MGAM2: variants seen among roughly 807,000 people sequenced by gnomAD.
MGAM2 encodes the protein maltase-glucoamylase 2 (putative), also known as probable maltase-glucoamylase 2.
A neutral mutation model predicts 96.1 loss-of-function variants in MGAM2; 98 were observed. The ratio of observed to expected loss-of-function variants is 1.02; its 90% CI spans 0.87 to 1.21. MGAM2 has a LOEUF of 1.21. Among genes scored for constraint, MGAM2 ranks in the 50% most tolerant of loss-of-function variants. MGAM2 has a pLI of 0.00. For missense variants in MGAM2, 2,055 were observed against 1,182.4 expected (o/e 1.74, Z -10.82); for synonymous variants, 749 against 414.8 (o/e 1.81, Z -9.79).
At position 142,140,870 on chromosome 7, in the gene MGAM2, C is replaced by G; in HGVS notation, c.1155C>G (p.Tyr385Ter). ...ATTTCACTGTTGATGAAGTCGCTTA[C>G]TCTGGTCTCCCAGATTTTGTCAAGG... The part of the protein sequence containing the change: ...KKDFTVDEVA[Y>*]SGLPDFVKEL... The change falls in exon 11 of 48, where the codon TAC (tyrosine) becomes TAG (stop). Residue 385 changes from tyrosine (Y) to a stop codon, truncating the protein, a stop_gained. Coordinates refer to ENST00000477922, the MANE Select transcript of MGAM2 (RefSeq NM_001293626.2). LOFTEE classifies it high-confidence loss of function. 1.4e-6 allele frequency: 1 copy of G among 703,006 alleles called. No homozygotes were observed. Among genetic ancestry groups the G allele is most frequent in the Non-Finnish European group, 2.6e-6 (1 of 384,960 alleles). The allele number at this position is 703,006 out of a possible 1,614,324, so 43.5% of individuals were successfully genotyped here.
intron 15 of MGAM2, among the ~76,000 whole-genome samples, chr7:142,152,134 A>G (rs1380012892): frequency 6.6e-6 from 1 of 151,664 alleles, no homozygotes; most frequent in Non-Finnish European, 1.5e-5. Flanking sequence ...GACAGAAAAT[A>G]CAAAGCCTCT....
chr7:142,192,501 C>A (rs897047225), intron 37 of MGAM2, among the ~76,000 whole-genome samples: 3 of 152,124 alleles, frequency 2.0e-5, no homozygotes, highest in African/African-American at 7.2e-5. Flanking sequence ...GAGGGAAAAT[C>A]AATTAACTCT....
chr7:142,134,766 A>G (rs929141409), intron 7 of MGAM2, among the ~76,000 whole-genome samples: 3 of 148,064 alleles, frequency 2.0e-5, no homozygotes, highest in African/African-American at 2.5e-5. Context: ...GGAGTGAAGG[A>G]CTAGTTTCTT....
At chr7:142,155,601 AG>A (rs1454930825) in intron 17 of MGAM2, among the ~76,000 whole-genome samples, 1 of 152,238 alleles carries the variant, frequency 6.6e-6, no homozygotes, top group African/African-American at 2.4e-5. Context: ...AAACCTTCAA[AG>A]TATTTTATCC....
At chr7:142,199,218 A>T (rs1797143909) in intron 44 of MGAM2, among the ~76,000 whole-genome samples, 1 of 152,206 alleles carries the variant, frequency 6.6e-6, no homozygotes, top group Non-Finnish European at 1.5e-5. Flanking sequence ...ATATGTAAAA[A>T]TTTATAAAAT....
intron 40 of MGAM2, 100 bp from the exon 41 acceptor site, chr7:142,197,300 G>A (rs1358663312): frequency 7.8e-6 from 5 of 642,126 alleles, no homozygotes; most frequent in Non-Finnish European, 1.4e-5. Context: ...TAAGTGGCTT[G>A]TAACCTACAT....
At chr7:142,218,971 G>T (rs1468902361) in intron 47 of MGAM2, among the ~76,000 whole-genome samples, 2 of 152,144 alleles carry the variant, frequency 1.3e-5, no homozygotes, top group East Asian at 3.9e-4. Context: ...ATAGGTAGAC[G>T]AAAATTGGCA....
At chr7:142,135,996 T>A (rs1795049431) in intron 7 of MGAM2, among the ~76,000 whole-genome samples, 1 of 152,206 alleles carries the variant, frequency 6.6e-6, no homozygotes, top group Non-Finnish European at 1.5e-5. Context: ...GATTGAGTTA[T>A]AATTCATAGG....
intron 34 of MGAM2, 117 bp downstream of exon 34, chr7:142,185,256 T>C (rs1796659631): frequency 1.8e-6 from 1 of 567,124 alleles, no homozygotes; most frequent in Non-Finnish European, 3.2e-6. Context: ...TTGAGGGTGC[T>C]TATCCACTGT....
At chr7:142,170,275 AT>A in intron 27 of MGAM2, 46 bp downstream of exon 27, 1 of 651,064 alleles carries the variant, frequency 1.5e-6, no homozygotes, top group Non-Finnish European at 2.8e-6. Context: ...TCTAGATTTA[AT>A]TACAGCAGTT....
intron 2 of MGAM2, among the ~76,000 whole-genome samples, chr7:142,119,836 A>C (rs1258955187): frequency 1.3e-5 from 2 of 152,246 alleles, no homozygotes; most frequent in African/African-American, 4.8e-5. Flanking sequence ...TTTTATAGGA[A>C]ATGTTCAGAA....
intron 23 of MGAM2, among the ~76,000 whole-genome samples, chr7:142,163,821 T>C (rs572068835): frequency 1.1e-4 from 16 of 152,316 alleles, no homozygotes; most frequent in African/African-American, 3.4e-4. Context: ...TGTTTTTAAT[T>C]TGTATTTCTC....
At chr7:142,122,459 C>T (rs982069585) in intron 3 of MGAM2, among the ~76,000 whole-genome samples, 1 of 152,194 alleles carries the variant, frequency 6.6e-6, no homozygotes. Flanking sequence ...CCATTCTATA[C>T]CCAAAGATAC....
At chr7:142,192,078 C>G (rs184736422) in intron 37 of MGAM2, among the ~76,000 whole-genome samples, 11 of 152,250 alleles carry the variant, frequency 7.2e-5, no homozygotes, top group Non-Finnish European at 7.3e-5. Flanking sequence ...CTGCCCCTTT[C>G]TGCTCAAGTA....
chr7:142,185,675 A>G (rs1048007674), intron 34 of MGAM2, among the ~76,000 whole-genome samples: 11 of 152,258 alleles, frequency 7.2e-5, no homozygotes, highest in Middle Eastern at 3.4e-3. Flanking sequence ...AAAAAAAAAG[A>G]AAAAGTATTT....
At chr7:142,151,251 C>G (rs1357731751) in intron 15 of MGAM2, among the ~76,000 whole-genome samples, 1 of 152,118 alleles carries the variant, frequency 6.6e-6, no homozygotes, top group Non-Finnish European at 1.5e-5. Flanking sequence ...ACCTAGGGGA[C>G]CTGATGACTT....
intron 46 of MGAM2, among the ~76,000 whole-genome samples, 151 bp downstream of exon 46, chr7:142,208,773 A>T (rs1384053208): frequency 1.3e-5 from 2 of 152,198 alleles, no homozygotes; most frequent in Admixed American, 6.5e-5. Flanking sequence ...TCATTAAAGT[A>T]AGGAAGAAAC....
intron 25 of MGAM2, among the ~76,000 whole-genome samples, chr7:142,166,925 TTGCTTGTAGA>T (rs1796044415): frequency 6.6e-6 from 1 of 152,158 alleles, no homozygotes; most frequent in Admixed American, 6.5e-5. Context: ...GGGTATTTCT[TTGCTTGTAGA>T]TGCATCATCC....
At chr7:142,119,050 A>G (rs576087228) in intron 2 of MGAM2, among the ~76,000 whole-genome samples, 16 of 150,824 alleles carry the variant, frequency 1.1e-4, no homozygotes, top group Non-Finnish European at 1.9e-4. Flanking sequence ...AAAACTATCA[A>G]GAATGTGAAA....
Sources: allele counts gnomAD v4.1 joint callset (sites outside exome capture counted in the v4.1 genomes callset), GRCh38; gene constraint gnomAD v4.1.1; transcripts MANE v1.5; gene names NCBI Gene and HGNC (gene_info 2026-07-23, HGNC 2026-07-21).